Variants in STIM1 observed in about 807,000 individuals in gnomAD.
STIM1 encodes stromal interaction molecule 1.
Under a neutral mutation model 74.7 loss-of-function variants are expected in STIM1, and 25 were observed. That is an observed-to-expected ratio of 0.33 (90% CI 0.24 to 0.47). The LOEUF is 0.47. STIM1 is among the 20% of genes least tolerant of loss of function. The probability of loss-of-function intolerance (pLI) is 1.00; values close to 1 mark genes in which losing one functional copy is unlikely to be tolerated. For missense variants in STIM1, 728 were observed against 920.8 expected (o/e 0.79, Z 2.71); for synonymous variants, 328 against 348.8 (o/e 0.94, Z 0.66).
At chr11:3,978,376 G>C (rs1274840321) in intron 2 of STIM1, among the ~76,000 whole-genome samples, 2 of 150,458 alleles carry the variant, frequency 1.3e-5, no homozygotes, top group Admixed American at 1.3e-4. Context: ...TCAAACTTCT[G>C]ACCTCAGGTG....
intron 5 of STIM1, among the ~76,000 whole-genome samples, chr11:4,065,358 T>C (rs1451706295): frequency 6.6e-6 from 1 of 152,226 alleles, no homozygotes; most frequent in Non-Finnish European, 1.5e-5. Flanking sequence ...CTCTCTTTTC[T>C]GTTATGGTCC....
rs201348785 is a variant in STIM1 at position 4,074,499 on chromosome 11, C to T, written c.792-3C>T. 1.4e-5 allele frequency: 22 copies of T among 1,613,312 alleles called. No individual in the cohort carries two copies. Among genetic ancestry groups the T allele is most frequent in the Non-Finnish European group, 1.8e-5 (21 of 1,179,970 alleles). Reference sequence around the variant, plus strand: ...CCTCCAGCTCCCTGCATTGCCCCCCCAGGCTGCACAAGGCCCAGGAGGAGC... The same window carrying T: ...CCTCCAGCTCCCTGCATTGCCCCCCTAGGCTGCACAAGGCCCAGGAGGAGC... On this transcript the variant is annotated splice_polypyrimidine_tract_variant and splice_region_variant and intron_variant, in intron 6 of 12. Coordinates refer to ENST00000526596, the MANE Select transcript of STIM1 (RefSeq NM_001382567.1).
chr11:4,057,452 T>C (rs1182845385), intron 4 of STIM1, among the ~76,000 whole-genome samples: 2 of 152,170 alleles, frequency 1.3e-5, no homozygotes, highest in African/African-American at 4.8e-5. Context: ...TCTAGGCCCA[T>C]CACTAGCTCA....
At chr11:4,041,532 T>C (rs946439011) in intron 3 of STIM1, among the ~76,000 whole-genome samples, 13 of 152,186 alleles carry the variant, frequency 8.5e-5, no homozygotes, top group African/African-American at 3.1e-4. Context: ...ATTAAGTAAT[T>C]TGCCCATGGT....
chr11:4,019,519 T>TA (rs1256362228), intron 2 of STIM1, among the ~76,000 whole-genome samples: 2 of 151,496 alleles, frequency 1.3e-5, no homozygotes, highest in Non-Finnish European at 2.9e-5. Flanking sequence ...ACAAAAAATT[T>TA]AAAAAAATAG....
At chr11:3,986,625 G>A (rs1461979253) in intron 2 of STIM1, among the ~76,000 whole-genome samples, 2 of 151,998 alleles carry the variant, frequency 1.3e-5, no homozygotes. Context: ...AAGATGAGCA[G>A]GAGTTTACTA....
chr11:3,938,524 G>A (rs2092964337), intron 1 of STIM1, among the ~76,000 whole-genome samples: 1 of 152,098 alleles, frequency 6.6e-6, no homozygotes, highest in African/African-American at 2.4e-5. Context: ...ACATTAAAAG[G>A]GACTGACAGG....
intron 1 of STIM1, among the ~76,000 whole-genome samples, chr11:3,901,870 C>T (rs1180377203): frequency 6.6e-6 from 1 of 152,248 alleles, no homozygotes; most frequent in East Asian, 1.9e-4. Flanking sequence ...AGGTGATCCT[C>T]CTGCCCCAGG....
chr11:3,892,954 G>T (rs1419175937), intron 1 of STIM1: 4 of 990,264 alleles, frequency 4.0e-6, no homozygotes, highest in South Asian at 1.4e-5. Flanking sequence ...ATTTTTAATA[G>T]AGATGGGGTT....
chr11:4,065,452 A>T (rs2094359069), intron 5 of STIM1, among the ~76,000 whole-genome samples: 1 of 149,338 alleles, frequency 6.7e-6, no homozygotes, highest in African/African-American at 2.5e-5. Flanking sequence ...CTCCTGTAGG[A>T]ACCCACAGCC....
At chr11:4,051,412 G>A (rs927222221) in intron 3 of STIM1, among the ~76,000 whole-genome samples, 2 of 149,692 alleles carry the variant, frequency 1.3e-5, no homozygotes, top group African/African-American at 4.9e-5. Context: ...ACGCAATCTC[G>A]GCTCACTGCA....
At chr11:3,865,219 G>A (rs2090807974) in intron 1 of STIM1, among the ~76,000 whole-genome samples, 1 of 152,094 alleles carries the variant, frequency 6.6e-6, no homozygotes, top group African/African-American at 2.4e-5. Context: ...AGCTGGAAGG[G>A]GTTTTAGAGA....
intron 3 of STIM1, among the ~76,000 whole-genome samples, chr11:4,048,741 A>G (rs2094213499): frequency 6.7e-6 from 1 of 149,492 alleles, no homozygotes; most frequent in Non-Finnish European, 1.5e-5. Flanking sequence ...ATTATTATTA[A>G]TTTTTTTTTT....
chr11:3,859,658 C>T (rs2090522142), intron 1 of STIM1, among the ~76,000 whole-genome samples: 1 of 152,220 alleles, frequency 6.6e-6, no homozygotes, highest in Admixed American at 6.5e-5. Flanking sequence ...GATGGAGTGG[C>T]AGGCCAGAAC....
intron 1 of STIM1, among the ~76,000 whole-genome samples, chr11:3,915,770 A>C (rs921801386): frequency 5.9e-5 from 9 of 152,136 alleles, no homozygotes. Context: ...TATCTAAAAA[A>C]GTTTGACCAG....
At chr11:3,906,928 A>G (rs1007976377) in intron 1 of STIM1, among the ~76,000 whole-genome samples, 6 of 152,240 alleles carry the variant, frequency 3.9e-5, no homozygotes, top group African/African-American at 1.4e-4. Flanking sequence ...AATGGCTGAG[A>G]GAGAGAAGAT....
chr11:4,077,281 G>A (rs972495488), intron 7 of STIM1, among the ~76,000 whole-genome samples: 4 of 151,746 alleles, frequency 2.6e-5, no homozygotes, highest in African/African-American at 7.2e-5. Context: ...TTTAGGTCAA[G>A]AAGTATTACT....
chr11:3,867,831 A>G (rs1348774935), intron 1 of STIM1, among the ~76,000 whole-genome samples: 2 of 149,210 alleles, frequency 1.3e-5, no homozygotes, highest in East Asian at 2.0e-4. Context: ...GGTAATGACC[A>G]GAAATCTCAC....
intron 1 of STIM1, among the ~76,000 whole-genome samples, chr11:3,869,367 A>G (rs1345551167): frequency 1.3e-5 from 2 of 152,190 alleles, no homozygotes; most frequent in African/African-American, 4.8e-5. Context: ...TTTTTGTACA[A>G]GGCAATCTTG....
Sources: gnomAD v4.1 joint callset for allele counts (sites outside exome capture counted in the v4.1 genomes callset) on GRCh38, gnomAD v4.1.1 for gene constraint, MANE v1.5 for transcripts, NCBI Gene and HGNC (gene_info 2026-07-23, HGNC 2026-07-21) for gene names.